HDAC9: variants seen among roughly 807,000 people sequenced by gnomAD.
HDAC9 encodes histone deacetylase 9, also known as MEF-2 interacting transcription repressor (MITR) protein.
Under a neutral mutation model 139.4 loss-of-function variants are expected in HDAC9, and 41 were observed. The observed-to-expected ratio is 0.29, with a 90% CI of 0.23 to 0.38. HDAC9 has a LOEUF of 0.38. Among genes scored for constraint, HDAC9 ranks in the 10% least tolerant of loss-of-function variants. The pLI, the probability that HDAC9 is intolerant of heterozygous loss-of-function variation, is 1.00. For synonymous variants in HDAC9, 517 were observed against 476.2 expected (o/e 1.09, Z -1.12); for missense variants, 1,147 against 1,297.0 (o/e 0.88, Z 1.78).
intron 2 of HDAC9, among the ~76,000 whole-genome samples, chr7:18,522,621 A>G (rs913252809): frequency 6.6e-6 from 1 of 152,090 alleles, no homozygotes; most frequent in South Asian, 2.1e-4. Context: ...AAAAAACAAA[A>G]AAAAAAACAT....
At chr7:18,804,973 C>T (rs2588638) in intron 17 of HDAC9, among the ~76,000 whole-genome samples, 55,262 of 151,840 alleles carry the variant, frequency 0.36, 11,772 homozygotes, top group African/African-American at 0.6. Context: ...TTTTTGTATT[C>T]TTTGAAGAGA....
intron 13 of HDAC9, among the ~76,000 whole-genome samples, chr7:18,736,734 T>G (rs1490948616): frequency 5.3e-5 from 8 of 152,250 alleles, no homozygotes. Context: ...GGTATCAGGA[T>G]GAAGCTGGCC....
At chr7:18,671,941 C>T (rs1326796244) in intron 12 of HDAC9, among the ~76,000 whole-genome samples, 2 of 152,006 alleles carry the variant, frequency 1.3e-5, no homozygotes, top group Non-Finnish European at 2.9e-5. Context: ...GGCTATACAA[C>T]ATTTTGCTTA....
At chr7:18,534,932 C>T (rs917203823) in intron 2 of HDAC9, among the ~76,000 whole-genome samples, 1 of 152,150 alleles carries the variant, frequency 6.6e-6, no homozygotes, top group Non-Finnish European at 1.5e-5. Flanking sequence ...ATGCTACAAT[C>T]AGACCTTAAA....
At chr7:18,306,182 A>C (rs1798895655) in intron 1 of HDAC9, among the ~76,000 whole-genome samples, 1 of 152,216 alleles carries the variant, frequency 6.6e-6, no homozygotes, top group Non-Finnish European at 1.5e-5. Flanking sequence ...TACAACAGGC[A>C]CACAGGGTGA....
chr7:18,959,243 T>C (rs1783364071), intron 24 of HDAC9, among the ~76,000 whole-genome samples: 1 of 152,164 alleles, frequency 6.6e-6, no homozygotes, highest in South Asian at 2.1e-4. Context: ...ATTTATTTAG[T>C]TTGAAAGACT....
chr7:18,860,578 G>A (rs1018153375), intron 21 of HDAC9, among the ~76,000 whole-genome samples: 4 of 152,070 alleles, frequency 2.6e-5, no homozygotes, highest in Admixed American at 2.6e-4. Flanking sequence ...GTTCTGACTT[G>A]TGTCAAATTT....
chr7:18,895,835 TTA>T (rs201717791), intron 22 of HDAC9, among the ~76,000 whole-genome samples: 2,333 of 152,184 alleles, frequency 0.015, 23 homozygotes, highest in Non-Finnish European at 0.026. Flanking sequence ...AGTTTCCTGT[TTA>T]GAGACTTGAA....
intron 2 of HDAC9, among the ~76,000 whole-genome samples, chr7:18,258,270 G>A (rs142521619): frequency 6.6e-6 from 1 of 152,186 alleles, no homozygotes; most frequent in South Asian, 2.1e-4. Flanking sequence ...TATGGGTGAA[G>A]CACTGGGTTA....
intron 13 of HDAC9, among the ~76,000 whole-genome samples, chr7:18,737,023 G>T (rs1247151974): frequency 2.6e-5 from 4 of 152,218 alleles, no homozygotes; most frequent in Non-Finnish European, 5.9e-5. Flanking sequence ...TATTTGCATA[G>T]AGGTGTTCAT....
intron 25 of HDAC9, among the ~76,000 whole-genome samples, chr7:18,989,509 G>A (rs1009861826): frequency 2.7e-5 from 4 of 149,642 alleles, no homozygotes; most frequent in African/African-American, 9.8e-5. Context: ...TTTCAACTTT[G>A]GTGAATCTGA....
chr7:18,440,076 CTG>C (rs1791606369), intron 1 of HDAC9, among the ~76,000 whole-genome samples: 1 of 152,058 alleles, frequency 6.6e-6, no homozygotes, highest in Admixed American at 6.6e-5. Flanking sequence ...ATCATGGAGA[CTG>C]TAAGAGAAAT....
chr7:18,453,851 G>T (rs1283762650), intron 1 of HDAC9, among the ~76,000 whole-genome samples: 1 of 152,142 alleles, frequency 6.6e-6, no homozygotes, highest in Non-Finnish European at 1.5e-5. Context: ...GCAATCTACA[G>T]ATGAAAACCA....
intron 1 of HDAC9, among the ~76,000 whole-genome samples, chr7:18,110,511 C>G (rs1000595540): frequency 4.6e-5 from 7 of 152,150 alleles, no homozygotes; most frequent in African/African-American, 1.7e-4. Context: ...ACAAGGAACT[C>G]CATGTAAGTG....
intron 12 of HDAC9, among the ~76,000 whole-genome samples, chr7:18,722,705 G>C (rs966210252): frequency 3.3e-5 from 5 of 152,086 alleles, no homozygotes; most frequent in African/African-American, 1.2e-4. Flanking sequence ...ATAATAACAT[G>C]TGGTTTACTG....
intron 16 of HDAC9, among the ~76,000 whole-genome samples, chr7:18,773,588 G>A (rs1373304516): frequency 1.3e-5 from 2 of 152,008 alleles, no homozygotes; most frequent in African/African-American, 4.8e-5. Flanking sequence ...AATAAAAGCT[G>A]AGAAAGTAAA....
rs866935436 is a variant in HDAC9, at chr7:18,638,280, G to A, written c.912+3538G>A. Among the ~76,000 whole-genome samples the A allele has an allele frequency of 1.7e-4, 26 of 152,164 alleles. No individual in the cohort carries two copies. In the Middle Eastern group the frequency reaches 0.01, roughly 60 times the overall value. On this transcript the variant is annotated intron_variant, in intron 8 of 25. Coordinates refer to ENST00000686413, the MANE Select transcript of HDAC9 (RefSeq NM_178425.4). The stretch of plus-strand genomic sequence containing the variant: ...TCCTATTGTGCTGCTTCAGAAGTAG[G>A]AAAGTCAGGCTATATCTAAAGATCT...
In HDAC9 at chr7:18,842,040, A is replaced by G. The variant is rs139592827; in HGVS notation, c.2684+6043A>G. ...AATATATAGTGAAAAATGAACATTTAGATTTAACTTTGAAATAAAGCATGA... is the reference window on the plus strand; with the variant it reads ...AATATATAGTGAAAAATGAACATTTGGATTTAACTTTGAAATAAAGCATGA... On this transcript the variant is annotated intron_variant, in intron 21 of 25. Transcript: ENST00000686413. 2.6e-5 allele frequency among the ~76,000 whole-genome samples: 4 copies of G among 152,290 alleles called. No individual in the cohort carries two copies. The East Asian group carries it at 7.7e-4, about 29-fold the overall frequency.
intron 2 of HDAC9, among the ~76,000 whole-genome samples, chr7:18,176,950 C>G (rs1385976623): frequency 1.3e-5 from 2 of 152,212 alleles, no homozygotes; most frequent in South Asian, 2.1e-4. Flanking sequence ...AGGAAGCCAA[C>G]TATAGATATT....
Sources: gnomAD v4.1 joint callset for allele counts (sites outside exome capture counted in the v4.1 genomes callset) on GRCh38, gnomAD v4.1.1 for gene constraint, MANE v1.5 for transcripts, NCBI Gene and HGNC (gene_info 2026-07-23, HGNC 2026-07-21) for gene names.